Variants in EEPD1 observed in about 807,000 individuals in gnomAD.
The protein encoded by EEPD1 is endonuclease/exonuclease/phosphatase family domain-containing protein 1.
Under a neutral mutation model 46.3 loss-of-function variants are expected in EEPD1, and 17 were observed. The ratio of observed to expected loss-of-function variants is 0.37; its 90% confidence interval spans 0.25 to 0.55. EEPD1 has a LOEUF of 0.55. Ranked by LOEUF, EEPD1 falls within the 20% of genes least tolerant of loss-of-function variation. The probability of loss-of-function intolerance (pLI) is 0.83; values close to 1 mark genes in which losing one functional copy is unlikely to be tolerated. For synonymous variants in EEPD1, 313 were observed against 315.6 expected, an observed-to-expected ratio of 0.99 and a Z score of 0.09; for missense variants, 673 against 745.6, an observed-to-expected ratio of 0.90 and a Z score of 1.13.
At position 36,299,122 on chromosome 7, in the gene EEPD1, G is replaced by C. The variant is rs61730413; in HGVS notation, c.1626G>C (p.Lys542Asn). The change falls in exon 8 of 8, where the codon AAG becomes AAC. Residue 542 changes from lysine to asparagine, a missense_variant. Coordinates refer to ENST00000242108, the MANE Select transcript of EEPD1 (RefSeq NM_030636.3). ...CPVLAEFYTE[K>N]DWSKKDAPRN... ...TGCTAGCCGAGTTCTACACTGAAAA[G>C]GACTGGAGCAAGAAGGATGCCCCTC... 1 of 1,611,528 alleles carries C rather than the reference G, an allele frequency of 6.2e-7. No homozygotes were observed. The highest frequency in any genetic ancestry group is 8.5e-7 in the Non-Finnish European group (1 of 1,177,872).
At chr7:36,200,233 T>C (rs1244948682) in intron 2 of EEPD1, among the ~76,000 whole-genome samples, 2 of 152,174 alleles carry the variant, frequency 1.3e-5, no homozygotes, top group African/African-American at 4.8e-5. Context: ...CATGTGGTAT[T>C]TGGTTTTCTG....
intron 2 of EEPD1, among the ~76,000 whole-genome samples, chr7:36,186,670 A>G (rs1185106154): frequency 6.6e-6 from 1 of 152,254 alleles, no homozygotes; most frequent in Admixed American, 6.5e-5. Flanking sequence ...AAGGGAAGCA[A>G]TGAAAAGTAA....
intron 2 of EEPD1, among the ~76,000 whole-genome samples, chr7:36,235,956 G>A (rs1442555611): frequency 7.1e-5 from 10 of 141,134 alleles, no homozygotes; most frequent in South Asian, 2.2e-4. Context: ...ACAGAGTCTC[G>A]CTCTGTCACC....
chr7:36,163,813 G>T (rs966923693), intron 2 of EEPD1, among the ~76,000 whole-genome samples: 2 of 151,018 alleles, frequency 1.3e-5, no homozygotes, highest in Admixed American at 1.3e-4. Context: ...GGGAGGTGGA[G>T]CTTGCAGTGA....
chr7:36,237,136 G>A (rs909773583), intron 2 of EEPD1, among the ~76,000 whole-genome samples: 32 of 152,250 alleles, frequency 2.1e-4, no homozygotes, highest in African/African-American at 7.5e-4. Flanking sequence ...AACACTCACC[G>A]CAAACGTCTG....
chr7:36,198,342 G>GAAAAA (rs1361024411), intron 2 of EEPD1, among the ~76,000 whole-genome samples: 113 of 32,934 alleles, frequency 3.4e-3, no homozygotes, highest in African/African-American at 6.1e-3. Flanking sequence ...AAAAAGAAAA[G>GAAAAA]AAAAAAAAAA....
intron 2 of EEPD1, among the ~76,000 whole-genome samples, chr7:36,178,233 G>C (rs796551495): frequency 6.6e-6 from 1 of 150,856 alleles, no homozygotes; most frequent in Non-Finnish European, 1.5e-5. Flanking sequence ...CCATCCCCGC[G>C]GTTACTGTTC....
chr7:36,290,351 A>G (rs988091075), intron 6 of EEPD1, among the ~76,000 whole-genome samples: 3 of 152,182 alleles, frequency 2.0e-5, no homozygotes, highest in Non-Finnish European at 2.9e-5. Flanking sequence ...AGTAGGGACA[A>G]TGACTCATGC....
intron 3 of EEPD1, among the ~76,000 whole-genome samples, chr7:36,256,843 G>A (rs760760061): frequency 6.6e-6 from 1 of 152,182 alleles, no homozygotes; most frequent in Non-Finnish European, 1.5e-5. Flanking sequence ...ATATTGTTAT[G>A]TGTGAATTTA....
intron 6 of EEPD1, among the ~76,000 whole-genome samples, chr7:36,295,296 G>A (rs552459232): frequency 6.6e-6 from 1 of 152,266 alleles, no homozygotes; most frequent in South Asian, 2.1e-4. Flanking sequence ...TCAAAAGGAC[G>A]CATGAGCCAA....
intron 2 of EEPD1, among the ~76,000 whole-genome samples, chr7:36,201,318 C>T (rs1231618035): frequency 6.6e-6 from 1 of 152,166 alleles, no homozygotes; most frequent in Non-Finnish European, 1.5e-5. Flanking sequence ...CATAGTATTG[C>T]ATCACCATTA....
intron 5 of EEPD1, 136 bp from the exon 6 acceptor site, chr7:36,287,503 T>A: frequency 3.7e-6 from 5 of 1,336,074 alleles, no homozygotes; most frequent in Non-Finnish European, 5.1e-6. Context: ...CATTATTTCC[T>A]GGGGGTGTGA....
intron 2 of EEPD1, among the ~76,000 whole-genome samples, chr7:36,207,397 G>A (rs1033351951): frequency 6.6e-6 from 1 of 152,190 alleles, no homozygotes; most frequent in Non-Finnish European, 1.5e-5. Flanking sequence ...AGCACTGCAC[G>A]TTCTGAACAT....
intron 2 of EEPD1, among the ~76,000 whole-genome samples, chr7:36,203,749 C>T (rs1419691490): frequency 1.3e-5 from 2 of 152,132 alleles, no homozygotes; most frequent in African/African-American, 2.4e-5. Flanking sequence ...GAAAAAGTGT[C>T]ATAAAGAGAA....
intron 2 of EEPD1, among the ~76,000 whole-genome samples, chr7:36,211,700 G>T (rs531217716): frequency 6.6e-6 from 1 of 152,012 alleles, no homozygotes; most frequent in East Asian, 1.9e-4. Flanking sequence ...CAAGGCGTGC[G>T]GATCAACTGA....
chr7:36,296,970 C>G (rs1405184709), intron 6 of EEPD1, 23 bp from the exon 7 acceptor site: 10 of 1,612,174 alleles, frequency 6.2e-6, no homozygotes, highest in Non-Finnish European at 8.5e-6. Flanking sequence ...CTCTTAAACT[C>G]ATTTTCTTCC....
intron 2 of EEPD1, among the ~76,000 whole-genome samples, chr7:36,168,274 A>T (rs1490806802): frequency 6.6e-6 from 1 of 152,228 alleles, no homozygotes; most frequent in African/African-American, 2.4e-5. Flanking sequence ...TCATTAAGTG[A>T]ATGCTCACAC....
In EEPD1 at chr7:36,297,204, T is replaced by G. The variant is rs1241408243; in HGVS notation, c.1510+17T>G. ...TTTTCACAGGTGAGGCAGAACTCACTTGTCCTTTCTCCTGTTCAGGAATGG... is the reference window on the plus strand; with the variant it reads ...TTTTCACAGGTGAGGCAGAACTCACGTGTCCTTTCTCCTGTTCAGGAATGG... On this transcript the variant is annotated intron_variant, in intron 7 of 7. Transcript: ENST00000242108. 3 of 1,612,396 alleles carry G rather than the reference T, an allele frequency of 1.9e-6. No homozygotes were observed. In the African/African-American group the frequency reaches 4.0e-5, roughly 22 times the overall value.
chr7:36,181,852 CAAAG>C (rs1035509778), intron 2 of EEPD1, among the ~76,000 whole-genome samples: 14 of 152,122 alleles, frequency 9.2e-5, no homozygotes, highest in Non-Finnish European at 1.9e-4. Context: ...GCAATGTTAA[CAAAG>C]AGGAGGAGGA....
Sources: allele counts gnomAD v4.1 joint callset (sites outside exome capture counted in the v4.1 genomes callset), GRCh38; gene constraint gnomAD v4.1.1; transcripts MANE v1.5; gene names NCBI Gene and HGNC (gene_info 2026-07-23, HGNC 2026-07-21).